Variants in MEPCE observed in about 807,000 individuals in gnomAD.
The protein encoded by MEPCE is methylphosphate capping enzyme, also known as 7SK snRNA methylphosphate capping enzyme.
In MEPCE, 9 loss-of-function variants were observed where a neutral mutation model predicts 52.3. The ratio of observed to expected loss-of-function variants is 0.17; its 90% CI spans 0.10 to 0.30. MEPCE has a LOEUF of 0.30. Ranked by LOEUF, MEPCE falls within the 10% of genes least tolerant of loss-of-function variation. The probability of loss-of-function intolerance (pLI) is 1.00; values close to 1 mark genes in which losing one functional copy is unlikely to be tolerated. For missense variants in MEPCE, 826 were observed against 933.0 expected (o/e 0.89, Z 1.49); for synonymous variants, 477 against 401.6 (o/e 1.19, Z -2.25).
Position 100,433,901 on chromosome 7 carries a change from T to G in MEPCE, c.*347T>G, listed in dbSNP as rs1798798045. 4.0e-6 allele frequency: 1 copy of G among 249,936 alleles called. No homozygotes were observed. Among genetic ancestry groups the G allele is most frequent in the Non-Finnish European group, 7.8e-6 (1 of 127,974 alleles). The allele number at this position is 249,936 out of a possible 1,614,324, so 15.5% of individuals were successfully genotyped here. A position where few individuals can be genotyped will look rare whatever the true frequency, so the allele number is the denominator to read the frequency against. ...CCTCCTATTCTCCCAAGGAGAGAGA[T>G]TCCCATTTCTCCTCGGCCATTGTAC... On this transcript the variant is annotated 3_prime_UTR_variant, in exon 4 of 4. Coordinates refer to ENST00000310512, the MANE Select transcript of MEPCE (RefSeq NM_019606.6).
Position 100,430,010 on chromosome 7 carries a change from G to A in MEPCE, c.-9G>A. ...CGTTACCCCGACTGGCACGGAATAA[G>A]GGGAGGAAATGATCGAGATGGCGGC... On this transcript the variant is annotated 5_prime_UTR_variant, in exon 1 of 4. Transcript: ENST00000310512. The A allele has an allele frequency of 1.6e-6, 2 of 1,267,232 alleles. No homozygotes were observed. Among genetic ancestry groups the A allele is most frequent in the Non-Finnish European group, 2.0e-6 (2 of 1,007,036 alleles). 78.5% of individuals were successfully genotyped at this position (1,267,232 alleles called of 1,614,324 possible).
In MEPCE at chr7:100,432,942, T is replaced by C; in HGVS notation, c.1695T>C (p.Asp565=). 6.2e-7 allele frequency: 1 copy of C among 1,614,064 alleles called. No individual in the cohort carries two copies. The highest frequency in any genetic ancestry group is 2.2e-5 in the East Asian group (1 of 44,884). Residue 565 remains aspartate, a synonymous_variant, in exon 2 of 4, where the codon GAT becomes GAC. Transcript: ENST00000310512. ...AGGGTAATTATGTGCTGGATCGAGA[T>C]GACCTGGTGGAGGCCCAAACACCTG... ...FVTGNYVLDR[D]DLVEAQTPEY...
rs1004027652 is a variant in MEPCE at position 100,430,272 on chromosome 7, A to T, written c.254A>T (p.His85Leu). ...TCCAGTGGTCCCCAGGCGCAGCAGC[A>T]CCGAGGGGGCGGCCCCCAGGCGCAG... ...TSSSGPQAQQHRGGGPQAQSH... is the reference protein window; with the variant it reads ...TSSSGPQAQQLRGGGPQAQSH... The change falls in exon 1 of 4, where the codon CAC (histidine) becomes CTC (leucine). Residue 85 changes from histidine (H) to leucine (L), a missense_variant. His to Leu is a moderately conservative substitution (Grantham distance 99). Around this residue, in one of 7 missense-constraint regions of MEPCE, gnomAD observed 314 missense variants for 277.7 expected, o/e 1.13. Coordinates refer to ENST00000310512, the MANE Select transcript of MEPCE (RefSeq NM_019606.6). 1.0e-5 allele frequency: 14 copies of T among 1,400,300 alleles called. No homozygotes were observed. In the African/African-American group the frequency reaches 1.9e-4, roughly 19 times the overall value. The allele number at this position is 1,400,300 out of a possible 1,614,324, so 86.7% of individuals were successfully genotyped here. A position where few individuals can be genotyped will look rare whatever the true frequency, so the allele number is the denominator to read the frequency against.
At position 100,431,620 on chromosome 7, in the gene MEPCE, C is replaced by T. The variant is rs1254070325; in HGVS notation, c.1602C>T (p.Ile534=). 3.7e-6 allele frequency: 6 copies of T among 1,608,678 alleles called. No homozygotes were observed. The highest frequency in any genetic ancestry group is 2.7e-5 in the African/African-American group (2 of 75,058). ...PASLTASRGP[I]AAPQVPLDGA... is the part of the protein sequence containing the mutation. ...CGCTGACTGCCAGCCGGGGTCCCAT[C>T]GCTGCCCCCCAAGTGCCCTTGGATG... The change falls in exon 1 of 4, where the codon ATC becomes ATT. Residue 534 remains isoleucine (I), a synonymous_variant. Transcript: ENST00000310512.
At position 100,433,364 on chromosome 7, in the gene MEPCE, G is replaced by A; in HGVS notation, c.1992G>A (p.Val664=). 1 of 1,614,168 alleles carries A rather than the reference G, an allele frequency of 6.2e-7. No individual in the cohort carries two copies. The highest frequency in any genetic ancestry group is 8.5e-7 in the Non-Finnish European group (1 of 1,180,042). The change falls in exon 3 of 4, where the codon GTG becomes GTA. Residue 664 remains valine (V), a synonymous_variant. Coordinates refer to ENST00000310512, the MANE Select transcript of MEPCE (RefSeq NM_019606.6). ...PDVGFSSYEL[V]ATPHNTSKGF... is the part of the protein sequence containing the mutation. ...TGGGCTTCTCCAGCTATGAGCTTGTGGCCACACCCCACAACACCTCTAAAG... is the reference window on the plus strand; with the variant it reads ...TGGGCTTCTCCAGCTATGAGCTTGTAGCCACACCCCACAACACCTCTAAAG...
At position 100,432,859 on chromosome 7, in the gene MEPCE, C is replaced by T. The variant is rs569010776; in HGVS notation, c.1672-60C>T. ...ACTGTATCGGCCTCAGAGCAGGTTGCCTGGGAGCAGGGGTTCTTTGATTCC... is the reference window on the plus strand; with the variant it reads ...ACTGTATCGGCCTCAGAGCAGGTTGTCTGGGAGCAGGGGTTCTTTGATTCC... On this transcript the variant is annotated intron_variant, in intron 1 of 3. Transcript: ENST00000310512. The T allele has an allele frequency of 2.9e-5, 44 of 1,514,802 alleles. No individual in the cohort carries two copies. In the African/African-American group the frequency reaches 5.5e-4, roughly 19 times the overall value. The allele number at this position is 1,514,802 out of a possible 1,614,324, so 93.8% of individuals were successfully genotyped here. A position where few individuals can be genotyped will look rare whatever the true frequency, so the allele number is the denominator to read the frequency against.
Position 100,430,543 on chromosome 7 carries a change from G to A in MEPCE, c.525G>A (p.Ser175=). ...PAFKRRRRVN[S]DCDSVLPSNF... ...TCAAGAGGCGCAGGCGGGTGAATTC[G>A]GACTGTGACTCTGTGTTACCCTCCA... The change falls in exon 1 of 4, where the codon TCG becomes TCA. Residue 175 remains serine (S), a synonymous_variant. Coordinates refer to ENST00000310512, the MANE Select transcript of MEPCE (RefSeq NM_019606.6). 1 of 1,586,752 alleles carries A rather than the reference G, an allele frequency of 6.3e-7. No homozygotes were observed. The highest frequency in any genetic ancestry group is 8.6e-7 in the Non-Finnish European group (1 of 1,165,978).
chr7:100,431,421 C>G lies in MEPCE; in HGVS notation c.1403C>G (p.Ser468Cys). Residue 468 changes from serine to cysteine, a missense_variant, in exon 1 of 4, where the codon TCC becomes TGC. By Grantham distance (112) the Ser-to-Cys change is moderately radical. Around this residue, in one of 7 missense-constraint regions of MEPCE, gnomAD observed 107 missense variants for 157.9 expected, o/e 0.68. Transcript: ENST00000310512. ...AGCATTGCCTGCAAGTGGGGCCCGTCCCGCATGGTGGGCCTGGATATCGAT... is the reference window on the plus strand; with the variant it reads ...AGCATTGCCTGCAAGTGGGGCCCGTGCCGCATGGTGGGCCTGGATATCGAT... Reference protein sequence around the residue: ...TLSIACKWGPSRMVGLDIDSR... With the variant: ...TLSIACKWGPCRMVGLDIDSR... The G allele has an allele frequency of 1.2e-6, 2 of 1,614,114 alleles. No homozygotes were observed. Among genetic ancestry groups the G allele is most frequent in the Non-Finnish European group, 1.7e-6 (2 of 1,180,046 alleles).
Position 100,433,068 on chromosome 7 carries a change from A to C in MEPCE, c.1821A>C (p.Leu607=). The change falls in exon 2 of 4, where the codon CTA becomes CTC. Residue 607 remains leucine, a synonymous_variant. Coordinates refer to ENST00000310512, the MANE Select transcript of MEPCE (RefSeq NM_019606.6). ...KRMFRRIYRH[L]RPGGILVLEP... ...TGTTTCGCCGGATCTACCGGCACCT[A>C]CGCCCTGGGGGCATCCTGGTCCTAG... is the stretch of plus-strand genomic sequence containing the variant. 2 of 1,613,986 alleles carry C rather than the reference A, an allele frequency of 1.2e-6. No individual in the cohort carries two copies. The highest frequency in any genetic ancestry group is 1.7e-6 in the Non-Finnish European group (2 of 1,180,018).
At position 100,431,053 on chromosome 7, in the gene MEPCE, C is replaced by T. The variant is rs1380588980; in HGVS notation, c.1035C>T (p.Ala345=). ...AGGGTCCCTCAGGCTCCCTATCAGC[C>T]CCTCCAGCTGCCTCAGTTATCTCTG... ...ALQGPSGSLS[A]PPAASVISAP... is the part of the protein sequence containing the mutation. The change falls in exon 1 of 4, where the codon GCC becomes GCT. Residue 345 remains alanine (A), a synonymous_variant. Coordinates refer to ENST00000310512, the MANE Select transcript of MEPCE (RefSeq NM_019606.6). 2 of 1,613,900 alleles carry T rather than the reference C, an allele frequency of 1.2e-6. No individual in the cohort carries two copies. The highest frequency in any genetic ancestry group is 1.1e-5 in the South Asian group (1 of 91,090).
At position 100,432,997 on chromosome 7, in the gene MEPCE, A is replaced by T. The variant is rs1448311767; in HGVS notation, c.1750A>T (p.Thr584Ser). 2 of 1,613,900 alleles carry T rather than the reference A, an allele frequency of 1.2e-6. No homozygotes were observed. The highest frequency in any genetic ancestry group is 1.7e-6 in the Non-Finnish European group (2 of 1,179,986). ...TGATGTGGTGCTCTGCCTCAGCCTCACCAAGTGGGTGCATCTGAACTGGGG... is the reference window on the plus strand; with the variant it reads ...TGATGTGGTGCTCTGCCTCAGCCTCTCCAAGTGGGTGCATCTGAACTGGGG... ...EYDVVLCLSL[T>S]KWVHLNWGDE... The change falls in exon 2 of 4, where the codon ACC (threonine) becomes TCC (serine). Residue 584 changes from threonine (T) to serine (S), a missense_variant. This residue lies in a region of MEPCE where 3 missense variants were observed against 24.4 expected (regional missense o/e 0.12). Coordinates refer to ENST00000310512, the MANE Select transcript of MEPCE (RefSeq NM_019606.6).
chr7:100,429,864 A>C lies in MEPCE; in HGVS notation c.-155A>C, dbSNP rs114954254. 5,315 of 570,516 alleles carry C rather than the reference A, an allele frequency of 9.3e-3. 201 individuals are homozygous for C. The highest frequency in any genetic ancestry group is 0.08 in the African/African-American group (4,151 of 51,602). 35.3% of individuals were successfully genotyped at this position (570,516 alleles called of 1,614,324 possible). A position where few individuals can be genotyped will look rare whatever the true frequency, so the allele number is the denominator to read the frequency against. ...TTGGTCTCGCGGGCTAGTAGGGCGCACTTGGCGGGGAGGCGCTTGGGCGCG... is the reference window on the plus strand; with the variant it reads ...TTGGTCTCGCGGGCTAGTAGGGCGCCCTTGGCGGGGAGGCGCTTGGGCGCG... On this transcript the variant is annotated 5_prime_UTR_variant, in exon 1 of 4. Transcript: ENST00000310512.
chr7:100,431,235 T>C lies in MEPCE; in HGVS notation c.1217T>C (p.Phe406Ser). 2 of 1,613,958 alleles carry C rather than the reference T, an allele frequency of 1.2e-6. No homozygotes were observed. Among genetic ancestry groups the C allele is most frequent in the Non-Finnish European group, 1.7e-6 (2 of 1,180,010 alleles). The change falls in exon 1 of 4, where the codon TTC (phenylalanine) becomes TCC (serine). Residue 406 changes from phenylalanine (F) to serine (S), a missense_variant. Physicochemically the swap from Phe to Ser is radical, Grantham distance 155. Coordinates refer to ENST00000310512, the MANE Select transcript of MEPCE (RefSeq NM_019606.6). ...HHHHPLPAAG[F>S]KKQQRKFQYG... ...CACCACCCACTGCCTGCAGCAGGCT[T>C]CAAAAAGCAACAGCGCAAGTTCCAG... is the stretch of plus-strand genomic sequence containing the variant.
At position 100,431,595 on chromosome 7, in the gene MEPCE, C is replaced by T. The variant is rs1358655339; in HGVS notation, c.1577C>T (p.Ser526Leu). Residue 526 changes from serine to leucine, a missense_variant, in exon 1 of 4, where the codon TCG (serine) becomes TTG (leucine). By Grantham distance (145) the Ser-to-Leu change is moderately radical. Coordinates refer to ENST00000310512, the MANE Select transcript of MEPCE (RefSeq NM_019606.6). ...CGAAAGAGGAGCTGCTTCCCAGCCTCGCTGACTGCCAGCCGGGGTCCCATC... is the reference window on the plus strand; with the variant it reads ...CGAAAGAGGAGCTGCTTCCCAGCCTTGCTGACTGCCAGCCGGGGTCCCATC... ...TVRKRSCFPASLTASRGPIAA... is the reference protein window; with the variant it reads ...TVRKRSCFPALLTASRGPIAA... 4 of 1,611,366 alleles carry T rather than the reference C, an allele frequency of 2.5e-6. No homozygotes were observed. Among genetic ancestry groups the T allele is most frequent in the South Asian group, 2.2e-5 (2 of 91,090 alleles).
In MEPCE at chr7:100,431,530, G is replaced by A; in HGVS notation, c.1512G>A (p.Gly504=). The A allele has an allele frequency of 6.2e-7, 1 of 1,613,122 alleles. No individual in the cohort carries two copies. Among genetic ancestry groups the A allele is most frequent in the East Asian group, 2.2e-5 (1 of 44,882 alleles). The stretch of plus-strand genomic sequence containing the variant: ...GTCTCCCACCCCAGACTTTGGAAGG[G>A]GACCCGGGGGCAGAGGGTGAGGAAG... ...ELRLPPQTLE[G]DPGAEGEEGT... Residue 504 remains glycine (G), a synonymous_variant, in exon 1 of 4, where the codon GGG becomes GGA. Coordinates refer to ENST00000310512, the MANE Select transcript of MEPCE (RefSeq NM_019606.6).
Position 100,433,138 on chromosome 7 carries a change from G to A in MEPCE, c.1890+1G>A. 1 of 1,613,928 alleles carries A rather than the reference G, an allele frequency of 6.2e-7. No individual in the cohort carries two copies. The highest frequency in any genetic ancestry group is 8.5e-7 in the Non-Finnish European group (1 of 1,179,988). ...GTATGGCAAGAGAAAGACTCTTACA[G>A]TGAGTTGGGTGTTGGGGGAATAGTC... On this transcript the variant is annotated splice_donor_variant, in intron 2 of 3. Transcript: ENST00000310512. LOFTEE classifies it high-confidence loss of function.
chr7:100,433,349 C>T lies in MEPCE; in HGVS notation c.1977C>T (p.Ser659=). ...SYLTSPDVGF[S]SYELVATPHN... is the part of the protein sequence containing the mutation. ...TGACATCCCCAGACGTGGGCTTCTC[C>T]AGCTATGAGCTTGTGGCCACACCCC... The change falls in exon 3 of 4, where the codon TCC becomes TCT. Residue 659 remains serine, a synonymous_variant. Coordinates refer to ENST00000310512, the MANE Select transcript of MEPCE (RefSeq NM_019606.6). 16 of 1,614,194 alleles carry T rather than the reference C, an allele frequency of 9.9e-6. No homozygotes were observed. The highest frequency in any genetic ancestry group is 1.4e-5 in the Non-Finnish European group (16 of 1,180,038).
chr7:100,430,124 C>T lies in MEPCE; in HGVS notation c.106C>T (p.Gln36Ter). Residue 36 changes from glutamine (Q) to a stop codon, truncating the protein, a stop_gained, in exon 1 of 4, where the codon CAA becomes TAA. Transcript: ENST00000310512. LOFTEE classifies it high-confidence loss of function. ...GGGGPTVPPH[Q>*]EAASGELRGG... ...GGGCGGCCCCACGGTGCCACCGCACCAAGAGGCCGCCTCTGGGGAGCTCCG... is the reference window on the plus strand; with the variant it reads ...GGGCGGCCCCACGGTGCCACCGCACTAAGAGGCCGCCTCTGGGGAGCTCCG... The T allele has an allele frequency of 7.9e-7, 1 of 1,267,544 alleles. No individual in the cohort carries two copies. Among genetic ancestry groups the T allele is most frequent in the Non-Finnish European group, 9.9e-7 (1 of 1,006,668 alleles). 78.5% of individuals were successfully genotyped at this position (1,267,544 alleles called of 1,614,324 possible).
chr7:100,430,001 A>G lies in MEPCE; in HGVS notation c.-18A>G. ...GATCCCCCTCGTTACCCCGACTGGC[A>G]CGGAATAAGGGGAGGAAATGATCGA... On this transcript the variant is annotated 5_prime_UTR_variant, in exon 1 of 4. Coordinates refer to ENST00000310512, the MANE Select transcript of MEPCE (RefSeq NM_019606.6). 8.0e-7 allele frequency: 1 copy of G among 1,248,360 alleles called. No homozygotes were observed. The highest frequency in any genetic ancestry group is 1.0e-6 in the Non-Finnish European group (1 of 995,862). 77.3% of individuals were successfully genotyped at this position (1,248,360 alleles called of 1,614,324 possible). A position where few individuals can be genotyped will look rare whatever the true frequency, so the allele number is the denominator to read the frequency against.
Sources: gnomAD v4.1 joint callset for allele counts on GRCh38, gnomAD v4.1.1 for gene constraint, gnomAD v4.1.1 regional missense constraint, MANE v1.5 for transcripts, NCBI Gene and HGNC (gene_info 2026-07-23, HGNC 2026-07-21) for gene names.